Variants in GEM observed in about 807,000 individuals in gnomAD.
GEM encodes the protein GTP binding protein overexpressed in skeletal muscle, also known as GTP-binding protein GEM.
A neutral mutation model predicts 33.0 loss-of-function variants in GEM; 31 were observed. That is an observed-to-expected ratio of 0.94 (90% CI 0.71 to 1.27). The LOEUF is 1.27. Among genes scored for constraint, GEM ranks in the 50% most tolerant of loss-of-function variants. The pLI is 0.00. For missense variants in GEM, 354 were observed against 390.5 expected (o/e 0.91, Z 0.79); for synonymous variants, 141 against 143.7 (o/e 0.98, Z 0.13).
rs1808956543 is a variant in GEM at position 94,258,936 on chromosome 8, C to T, written c.331+1237G>A. Among the ~76,000 whole-genome samples the T allele has an allele frequency of 2.0e-5, 3 of 152,166 alleles. No individual in the cohort carries two copies. The South Asian group carries it at 6.2e-4, about 32-fold the overall frequency. On this transcript the variant is annotated intron_variant, in intron 2 of 4. Coordinates refer to ENST00000297596, the MANE Select transcript of GEM (RefSeq NM_005261.4). The stretch of plus-strand genomic sequence containing the variant: ...CAAATATAAGGCACCTAACAAAGTG[C>T]CTCTCCCGTTGCAAACATTCACTCT...
chr8:94,256,468 A>G (rs573449390), intron 2 of GEM, among the ~76,000 whole-genome samples: 1 of 152,188 alleles, frequency 6.6e-6, no homozygotes, highest in Admixed American at 6.5e-5. Flanking sequence ...CCTTCTGCCC[A>G]AGACTGGCTC....
At chr8:94,255,711 T>G (rs374432403) in intron 2 of GEM, among the ~76,000 whole-genome samples, 1 of 152,170 alleles carries the variant, frequency 6.6e-6, no homozygotes, top group Non-Finnish European at 1.5e-5. Flanking sequence ...AGTAAAGGTG[T>G]GGAGAAAGGT....
chr8:94,253,706 T>C (rs1199346896), intron 2 of GEM, among the ~76,000 whole-genome samples: 1 of 152,164 alleles, frequency 6.6e-6, no homozygotes, highest in Admixed American at 6.5e-5. Flanking sequence ...TGTTTTTCCA[T>C]CTTGAGTATA....
At chr8:94,255,245 G>A (rs919849657) in intron 2 of GEM, among the ~76,000 whole-genome samples, 32 of 152,306 alleles carry the variant, frequency 2.1e-4, no homozygotes, top group Middle Eastern at 3.4e-3. Context: ...CTTTCTCCTG[G>A]CTTAAGAGAT....
At position 94,259,315 on chromosome 8, in the gene GEM, C is replaced by T. The variant is rs753308241; in HGVS notation, c.331+858G>A. Reference sequence around the variant, plus strand: ...TACTCTGTGATTCAGTTGTGAGTCGCGACAGAACACAGACCATGTGACTTG... The same window carrying T: ...TACTCTGTGATTCAGTTGTGAGTCGTGACAGAACACAGACCATGTGACTTG... On this transcript the variant is annotated intron_variant, in intron 2 of 4. Transcript: ENST00000297596. 5.3e-5 allele frequency among the ~76,000 whole-genome samples: 8 copies of T among 152,264 alleles called. No individual in the cohort carries two copies. In the East Asian group the frequency reaches 9.6e-4, roughly 18 times the overall value.
rs201351710 is a variant in GEM, at chr8:94,260,371, G to A, written c.133C>T (p.Arg45Cys). ...TGGTCCTCAGGGGTAGCAGAATGGC[G>A]GTTGCGGTGGCTGTACTGGTGGGGC... Reference protein sequence around the residue: ...KEPHQYSHRNRHSATPEDHCR... With the variant: ...KEPHQYSHRNCHSATPEDHCR... The change falls in exon 2 of 5, where the codon CGC (arginine) becomes TGC (cysteine). Residue 45 changes from arginine (R) to cysteine (C), a missense_variant. Transcript: ENST00000297596. 3.2e-5 allele frequency: 51 copies of A among 1,614,016 alleles called. No homozygotes were observed. The highest frequency in any genetic ancestry group is 4.0e-5 in the African/African-American group (3 of 74,926).
intron 2 of GEM, among the ~76,000 whole-genome samples, chr8:94,254,826 C>T (rs1808852657): frequency 6.6e-6 from 1 of 152,084 alleles, no homozygotes; most frequent in Admixed American, 6.5e-5. Context: ...TGTGAGTTTC[C>T]CCACCTCCCA....
At chr8:94,257,607 A>T (rs1325099671) in intron 2 of GEM, among the ~76,000 whole-genome samples, 1 of 152,166 alleles carries the variant, frequency 6.6e-6, no homozygotes, top group Non-Finnish European at 1.5e-5. Context: ...TGGTGTATAC[A>T]TTATGCTCCA....
At chr8:94,260,148 A>G (rs376694011) in intron 2 of GEM, 25 bp downstream of exon 2, 7 of 1,479,438 alleles carry the variant, frequency 4.7e-6, no homozygotes, top group African/African-American at 4.1e-5. Flanking sequence ...GGTGGAAAGA[A>G]GCCCACTGGG....
At chr8:94,255,200 T>C (rs1808860922) in intron 2 of GEM, among the ~76,000 whole-genome samples, 2 of 152,168 alleles carry the variant, frequency 1.3e-5, no homozygotes, top group African/African-American at 2.4e-5. Context: ...AGAAACATAC[T>C]GTGTTCCAAT....
chr8:94,250,575 C>G lies in GEM; in HGVS notation c.626G>C (p.Cys209Ser). 2 of 1,612,262 alleles carry G rather than the reference C, an allele frequency of 1.2e-6. No homozygotes were observed. The highest frequency in any genetic ancestry group is 1.7e-6 in the Non-Finnish European group (2 of 1,178,584). ...GAACTTGCAGTCAAACACCACTGCA[C>G]AGGCTCTCCCTTCTGGGAAGGAAAG... ...REVSVSEGRA[C>S]AVVFDCKFIE... The change falls in exon 5 of 5, where the codon TGT becomes TCT. Residue 209 changes from cysteine (C) to serine (S), a missense_variant. Physicochemically the swap from Cys to Ser is moderately radical, Grantham distance 112. Transcript: ENST00000297596.
Position 94,249,966 on chromosome 8 carries a change from G to T in GEM, c.*344C>A. On this transcript the variant is annotated 3_prime_UTR_variant, in exon 5 of 5. Transcript: ENST00000297596. ...CTCAAAGTCACATATCAGAACACTGGGAAAAATTTTTAATGATGAAAAGTT... is the reference window on the plus strand; with the variant it reads ...CTCAAAGTCACATATCAGAACACTGTGAAAAATTTTTAATGATGAAAAGTT... 1 of 207,310 alleles carries T rather than the reference G, an allele frequency of 4.8e-6. No homozygotes were observed. The highest frequency in any genetic ancestry group is 9.5e-6 in the Non-Finnish European group (1 of 105,316). The allele number at this position is 207,310 out of a possible 1,614,324, so 12.8% of individuals were successfully genotyped here. A position where few individuals can be genotyped will look rare whatever the true frequency, so the allele number is the denominator to read the frequency against.
chr8:94,256,642 T>C (rs1808898092), intron 2 of GEM, among the ~76,000 whole-genome samples: 1 of 152,140 alleles, frequency 6.6e-6, no homozygotes, highest in African/African-American at 2.4e-5. Flanking sequence ...TCAGAAGAAA[T>C]GCCTGCTCTA....
chr8:94,257,818 T>C (rs1808926081), intron 2 of GEM, among the ~76,000 whole-genome samples: 1 of 151,932 alleles, frequency 6.6e-6, no homozygotes, highest in African/African-American at 2.4e-5. Flanking sequence ...GAGAAATCAT[T>C]ATGAGAATAT....
intron 1 of GEM, 148 bp from the exon 2 acceptor site, chr8:94,260,660 C>T (rs1050943263): frequency 1.7e-6 from 1 of 591,300 alleles, no homozygotes; most frequent in African/African-American, 1.9e-5. Flanking sequence ...AACAGTCCCC[C>T]AAACCCCAAC....
rs17847124 is a variant in GEM, at chr8:94,252,354, G to A, written c.409-131C>T. 6.0e-4 allele frequency: 396 copies of A among 655,830 alleles called. 1 individual carries two copies. In the East Asian group the frequency reaches 9.1e-3, roughly 15 times the overall value. 40.6% of individuals were successfully genotyped at this position (655,830 alleles called of 1,614,324 possible). A position where few individuals can be genotyped will look rare whatever the true frequency, so the allele number is the denominator to read the frequency against. The stretch of plus-strand genomic sequence containing the variant: ...AAAAATAGGAAAAAGGAAGAAAATC[G>A]CTTCCAACTCCCTAAAAGCATTGGT... On this transcript the variant is annotated intron_variant, in intron 3 of 4. Transcript: ENST00000297596.
At chr8:94,258,012 T>C (rs1001642594) in intron 2 of GEM, among the ~76,000 whole-genome samples, 4 of 152,130 alleles carry the variant, frequency 2.6e-5, no homozygotes, top group Non-Finnish European at 4.4e-5. Context: ...CCAAATCCTG[T>C]GTCTTTTCAT....
chr8:94,257,897 A>G (rs1163375261), intron 2 of GEM, among the ~76,000 whole-genome samples: 1 of 152,094 alleles, frequency 6.6e-6, no homozygotes, highest in Non-Finnish European at 1.5e-5. Context: ...GTGCCTTAGA[A>G]AACCTTCCTC....
chr8:94,251,979 C>A, intron 4 of GEM, 40 bp downstream of exon 4: 1 of 1,433,064 alleles, frequency 7.0e-7, no homozygotes, highest in South Asian at 1.1e-5. Flanking sequence ...CACATGTGAT[C>A]CAGCGATTGT....
Sources: allele counts gnomAD v4.1 joint callset (sites outside exome capture counted in the v4.1 genomes callset), GRCh38; gene constraint gnomAD v4.1.1; transcripts MANE v1.5; gene names NCBI Gene and HGNC (gene_info 2026-07-23, HGNC 2026-07-21).